The following IYD variants were observed in gnomAD, a reference collection of about 807,000 sequenced individuals.
IYD encodes iodotyrosine deiodinase.
In IYD, 25 loss-of-function variants were observed where a neutral mutation model predicts 28.4. The ratio of observed to expected loss-of-function variants is 0.88; its 90% CI spans 0.64 to 1.23. The LOEUF is 1.23. IYD is among the 50% of genes most tolerant of loss of function. The pLI, the probability that IYD is intolerant of heterozygous loss-of-function variation, is 0.00. For missense variants in IYD, 352 were observed against 357.9 expected (o/e 0.98, Z 0.13); for synonymous variants, 140 against 130.8 (o/e 1.07, Z -0.48).
chr6:150,399,772 T>C lies in IYD; in HGVS notation c.*1535T>C, dbSNP rs660153. On this transcript the variant is annotated 3_prime_UTR_variant, in exon 5 of 5. Coordinates refer to ENST00000344419, the MANE Select transcript of IYD (RefSeq NM_203395.3). ...TCTGGGTTGCAGACTGCTGACTTCT[T>C]ATTGTGTCCTCGTGGTAGAAAGAGG... is the stretch of plus-strand genomic sequence containing the variant. 116,293 of 152,022 alleles carry C rather than the reference T, an allele frequency of 0.76. 46,082 individuals carry two copies. The highest frequency in any genetic ancestry group is 0.89 in the Non-Finnish European group (60,822 of 68,100). 9.4% of individuals were successfully genotyped at this position (152,022 alleles called of 1,614,324 possible). A position where few individuals can be genotyped will look rare whatever the true frequency, so the allele number is the denominator to read the frequency against.
At chr6:150,393,562 A>G (rs1448377486) in intron 3 of IYD, among the ~76,000 whole-genome samples, 1 of 152,236 alleles carries the variant, frequency 6.6e-6, no homozygotes, top group Non-Finnish European at 1.5e-5. Flanking sequence ...ATGGGATTAT[A>G]TGACTCTCTG....
intron 3 of IYD, among the ~76,000 whole-genome samples, chr6:150,393,388 G>A (rs1778196740): frequency 6.6e-6 from 1 of 152,214 alleles, no homozygotes; most frequent in African/African-American, 2.4e-5. Context: ...CTTTGAAAGT[G>A]TAACATACAG....
In IYD at chr6:150,401,791, T is replaced by A. The variant is rs1170666121; in HGVS notation, c.*3554T>A. 6.6e-6 allele frequency: 1 copy of A among 152,148 alleles called. No homozygotes were observed. The highest frequency in any genetic ancestry group is 1.5e-5 in the Non-Finnish European group (1 of 68,030). 9.4% of individuals were successfully genotyped at this position (152,148 alleles called of 1,614,324 possible). A position where few individuals can be genotyped will look rare whatever the true frequency, so the allele number is the denominator to read the frequency against. On this transcript the variant is annotated 3_prime_UTR_variant, in exon 5 of 5. Coordinates refer to ENST00000344419, the MANE Select transcript of IYD (RefSeq NM_203395.3). Reference sequence around the variant, plus strand: ...ATCACTGCGAGGAAGTATACTTAATTAAGAAAGTTGAAAATGGTTTGTGTC... The same window carrying A: ...ATCACTGCGAGGAAGTATACTTAATAAAGAAAGTTGAAAATGGTTTGTGTC...
chr6:150,392,668 T>A (rs1052910895), intron 3 of IYD, among the ~76,000 whole-genome samples, 164 bp downstream of exon 3: 1 of 152,224 alleles, frequency 6.6e-6, no homozygotes, highest in Non-Finnish European at 1.5e-5. Flanking sequence ...TGTATTGCCA[T>A]GTGAGCGTTT....
At chr6:150,394,058 AT>A (rs1778219768) in intron 3 of IYD, 40 bp from the exon 4 acceptor site, 2 of 1,605,700 alleles carry the variant, frequency 1.2e-6, no homozygotes, top group African/African-American at 2.7e-5. Context: ...AGAACAAAAA[AT>A]ATGGGCAAAT....
intron 1 of IYD, chr6:150,384,496 A>C (rs2115037329): frequency 6.6e-6 from 1 of 152,312 alleles, no homozygotes; most frequent in Non-Finnish European, 1.5e-5. Flanking sequence ...CTAGGAATTG[A>C]TAAAACTCAG....
chr6:150,393,960 AC>A (rs1778215611), intron 3 of IYD, 138 bp from the exon 4 acceptor site: 3 of 911,532 alleles, frequency 3.3e-6, no homozygotes, highest in Non-Finnish European at 4.9e-6. Flanking sequence ...TGAGACAAAA[AC>A]AAAAATTCTG....
chr6:150,384,175 T>C (rs1777773831), intron 1 of IYD: 1 of 152,214 alleles, frequency 6.6e-6, no homozygotes, highest in Non-Finnish European at 1.5e-5. Context: ...AGCAGACTGA[T>C]GATCTGTTCT....
chr6:150,371,973 G>C (rs985477333), intron 1 of IYD, among the ~76,000 whole-genome samples: 2 of 152,166 alleles, frequency 1.3e-5, no homozygotes, highest in Admixed American at 6.5e-5. Context: ...TGATCTACGT[G>C]GGGATATTAC....
chr6:150,394,646 G>T (rs982405271), intron 4 of IYD, among the ~76,000 whole-genome samples: 1 of 152,164 alleles, frequency 6.6e-6, no homozygotes, highest in East Asian at 1.9e-4. Context: ...TCTTCATAGA[G>T]GCCCTTTTCT....
chr6:150,371,972 T>C (rs1380340876), intron 1 of IYD, among the ~76,000 whole-genome samples: 2 of 152,114 alleles, frequency 1.3e-5, no homozygotes, highest in Non-Finnish European at 2.9e-5. Context: ...ATGATCTACG[T>C]GGGGATATTA....
At position 150,401,966 on chromosome 6, in the gene IYD, GC is replaced by G. The variant is rs1778522603; in HGVS notation, c.*3730del. ...CTGTTAAAGCACAGATTGCTGGGCC[GC>G]ACCCTCAGGGTGTGTGATTGTGTGA... On this transcript the variant is annotated 3_prime_UTR_variant, in exon 5 of 5. Transcript: ENST00000344419. 6.6e-6 allele frequency: 1 copy of G among 152,246 alleles called. No individual in the cohort carries two copies. The highest frequency in any genetic ancestry group is 2.4e-5 in the African/African-American group (1 of 41,442). The allele number at this position is 152,246 out of a possible 1,614,324, so 9.4% of individuals were successfully genotyped here.
rs992787703 is a variant in IYD, at chr6:150,392,202, A to C, written c.371-143A>C. ...CACCAGCACACCCTGCTAGTTAAAA[A>C]AAAAAAAATCTGCAAAATTTTGTTT... is the stretch of plus-strand genomic sequence containing the variant. On this transcript the variant is annotated intron_variant, in intron 2 of 4. Transcript: ENST00000344419. 7.7e-5 allele frequency: 104 copies of C among 1,357,668 alleles called. 1 individual carries two copies. The highest frequency in any genetic ancestry group is 1.0e-4 in the Non-Finnish European group (99 of 980,486). 84.1% of individuals were successfully genotyped at this position (1,357,668 alleles called of 1,614,324 possible). A position where few individuals can be genotyped will look rare whatever the true frequency, so the allele number is the denominator to read the frequency against.
intron 1 of IYD, chr6:150,370,353 G>A: frequency 3.7e-6 from 1 of 272,050 alleles, no homozygotes; most frequent in Non-Finnish European, 5.6e-6. Flanking sequence ...GTGTGCACGT[G>A]TGTGCATGAG....
rs186252193 is a variant in IYD at position 150,381,721 on chromosome 6, C to T, written c.179-7631C>T. Among the ~76,000 whole-genome samples, 8 of 152,258 alleles carry T rather than the reference C, an allele frequency of 5.3e-5. No individual in the cohort carries two copies. In the East Asian group the frequency reaches 1.4e-3, roughly 26 times the overall value. ...ATTACTCTTACACAACTAAACATTC[C>T]TAAACATTAAAATTATACTGTTTAT... is the stretch of plus-strand genomic sequence containing the variant. On this transcript the variant is annotated intron_variant, in intron 1 of 4. Transcript: ENST00000344419.
chr6:150,389,305 GACCAA>G, intron 1 of IYD, 42 bp from the exon 2 acceptor site: 1 of 1,487,450 alleles, frequency 6.7e-7, no homozygotes, highest in Non-Finnish European at 9.4e-7. Flanking sequence ...GTCACCTTAT[GACCAA>G]GGGATCATTT....
rs1041701924 is a variant in IYD at position 150,400,180 on chromosome 6, G to A, written c.*1943G>A. The A allele has an allele frequency of 6.6e-6, 1 of 152,098 alleles. No homozygotes were observed. Among genetic ancestry groups the A allele is most frequent in the Admixed American group, 6.6e-5 (1 of 15,258 alleles). 9.4% of individuals were successfully genotyped at this position (152,098 alleles called of 1,614,324 possible). Reference sequence around the variant, plus strand: ...AGGGCCAGATGGAGTTGGCCTGCAGGGAGTCAGCCTTACCCCATCAGAGAC... The same window carrying A: ...AGGGCCAGATGGAGTTGGCCTGCAGAGAGTCAGCCTTACCCCATCAGAGAC... On this transcript the variant is annotated 3_prime_UTR_variant, in exon 5 of 5. Transcript: ENST00000344419.
chr6:150,382,230 T>C (rs1433857078), intron 1 of IYD, among the ~76,000 whole-genome samples: 1 of 152,210 alleles, frequency 6.6e-6, no homozygotes. Flanking sequence ...ACAACTCTGA[T>C]GGACAATTTT....
intron 1 of IYD, among the ~76,000 whole-genome samples, chr6:150,379,334 C>G (rs1221791523): frequency 1.3e-5 from 2 of 152,222 alleles, no homozygotes; most frequent in South Asian, 2.1e-4. Context: ...CATCGTCCCC[C>G]AGTCAAGCTA....
Sources: gnomAD v4.1 joint callset for allele counts (sites outside exome capture counted in the v4.1 genomes callset) on GRCh38, gnomAD v4.1.1 for gene constraint, MANE v1.5 for transcripts, NCBI Gene and HGNC (gene_info 2026-07-23, HGNC 2026-07-21) for gene names.